NT5C3A: variants seen among roughly 807,000 people sequenced by gnomAD.
The protein encoded by NT5C3A is cytosolic 5'-nucleotidase 3A.
In NT5C3A, 23 loss-of-function variants were observed where a neutral mutation model predicts 40.0. That is an observed-to-expected ratio of 0.58 (90% CI 0.41 to 0.81). The LOEUF is 0.81. NT5C3A is among the 40% of genes least tolerant of loss of function. The probability of loss-of-function intolerance (pLI) is 0.00; values close to 1 mark genes in which losing one functional copy is unlikely to be tolerated. For missense variants in NT5C3A, 328 were observed against 403.0 expected, an observed-to-expected ratio of 0.81 and a Z score of 1.59; for synonymous variants, 130 against 141.4, an observed-to-expected ratio of 0.92 and a Z score of 0.57.
At chr7:33,044,545 C>T (rs946892047) in intron 1 of NT5C3A, among the ~76,000 whole-genome samples, 1 of 152,178 alleles carries the variant, frequency 6.6e-6, no homozygotes, top group African/African-American at 2.4e-5. Flanking sequence ...ACAGAAATCA[C>T]TCCTATCACT....
intron 1 of NT5C3A, among the ~76,000 whole-genome samples, chr7:33,054,880 T>A (rs1787509369): frequency 6.6e-6 from 1 of 152,178 alleles, no homozygotes; most frequent in African/African-American, 2.4e-5. Context: ...TACTGTTAGG[T>A]CTATAGTTTT....
At chr7:33,039,613 A>G (rs73303274) in intron 1 of NT5C3A, among the ~76,000 whole-genome samples, 2,073 of 139,420 alleles carry the variant, frequency 0.015, 19 homozygotes, top group African/African-American at 0.027. Flanking sequence ...CACATGCAAA[A>G]TCAAACTGTA....
At position 33,022,069 on chromosome 7, in the gene NT5C3A, T is replaced by C. The variant is rs759075817; in HGVS notation, c.338A>G (p.Asp113Gly). 17 of 1,533,952 alleles carry C rather than the reference T, an allele frequency of 1.1e-5. No individual in the cohort carries two copies. In the South Asian group the frequency reaches 1.8e-4, roughly 16 times the overall value. The change falls in exon 4 of 9, where the codon GAT becomes GGT. Residue 113 changes from aspartate to glycine, a missense_variant. Asp to Gly is a moderately conservative substitution (Grantham distance 94). Around this residue, in one of 3 missense-constraint regions of NT5C3A, gnomAD observed 280 missense variants for 317.2 expected, o/e 0.88. Transcript: ENST00000610140. ...NIIDNCKLVTDECRKKLLQLK... is the reference protein window; with the variant it reads ...NIIDNCKLVTGECRKKLLQLK... ...AGTGTTTACCTTTTTTCTACATTCA[T>C]CTGTAACCAGCTTACAGTTGTCAAT...
At chr7:33,021,920 T>C (rs1785647007) in intron 4 of NT5C3A, 133 bp downstream of exon 4, 3 of 680,408 alleles carry the variant, frequency 4.4e-6, no homozygotes, top group Admixed American at 2.3e-5. Context: ...ATTTACTGAG[T>C]GCTTACTATG....
chr7:33,015,824 T>G lies in NT5C3A; in HGVS notation c.740A>C (p.Lys247Thr), dbSNP rs1391511210. The G allele has an allele frequency of 1.2e-6, 2 of 1,610,502 alleles. No homozygotes were observed. The highest frequency in any genetic ancestry group is 2.2e-5 in the East Asian group (1 of 44,852). ...FKGELIHVFN[K>T]HDGALRNTEY... ...TGTATTCCTCAAGGCACCATCATGT[T>G]TGTTAAATACATGAATTAGTTCTCC... Residue 247 changes from lysine (K) to threonine (T), a missense_variant, in exon 8 of 9, where the codon AAA becomes ACA. Coordinates refer to ENST00000610140, the MANE Select transcript of NT5C3A (RefSeq NM_001002010.5).
intron 1 of NT5C3A, among the ~76,000 whole-genome samples, chr7:33,031,968 T>A (rs978914947): frequency 2.0e-5 from 3 of 147,812 alleles, no homozygotes; most frequent in Non-Finnish European, 4.5e-5. Flanking sequence ...CTATTAAAAA[T>A]ACAAAAATTA....
intron 3 of NT5C3A, among the ~76,000 whole-genome samples, chr7:33,023,020 G>A (rs911271081): frequency 1.3e-5 from 2 of 151,230 alleles, no homozygotes; most frequent in Non-Finnish European, 1.5e-5. Flanking sequence ...CAGGCTCAAG[G>A]ACCCTCTCAG....
At chr7:33,043,920 A>AG (rs1437214183) in intron 1 of NT5C3A, among the ~76,000 whole-genome samples, 9 of 152,356 alleles carry the variant, frequency 5.9e-5, no homozygotes, top group African/African-American at 2.2e-4. Context: ...TAATTTTAAG[A>AG]GAAAAATAAT....
At chr7:33,055,897 G>A (rs1787549853) in intron 1 of NT5C3A, among the ~76,000 whole-genome samples, 1 of 152,174 alleles carries the variant, frequency 6.6e-6, no homozygotes, top group African/African-American at 2.4e-5. Context: ...GATTGCTTGA[G>A]CCCAGGATTT....
intron 1 of NT5C3A, among the ~76,000 whole-genome samples, chr7:33,045,618 C>T (rs775133524): frequency 3.9e-5 from 6 of 152,048 alleles, no homozygotes; most frequent in African/African-American, 1.2e-4. Context: ...CGCCACCACA[C>T]CTGGCTAATT....
chr7:33,021,699 G>A (rs935426573), intron 4 of NT5C3A: 37 of 394,186 alleles, frequency 9.4e-5, no homozygotes, highest in Non-Finnish European at 1.1e-4. Context: ...ATACTCAAGC[G>A]AAGTACTGAA....
At chr7:33,032,365 T>C (rs1786317237) in intron 1 of NT5C3A, among the ~76,000 whole-genome samples, 1 of 137,478 alleles carries the variant, frequency 7.3e-6, no homozygotes, top group Admixed American at 8.1e-5. Context: ...GAGGTTGCAG[T>C]GAGCCAGGAT....
In NT5C3A at chr7:33,021,288, G is replaced by T. The variant is rs781422780; in HGVS notation, c.424C>A (p.Pro142Thr). 3.1e-6 allele frequency: 5 copies of T among 1,611,542 alleles called. No individual in the cohort carries two copies. The South Asian group carries it at 5.5e-5, about 18-fold the overall frequency. ...TACACTTACCATTCCACCATATAAGGGTACTTCTCTTCTACAGTAAGAACA... is the reference window on the plus strand; with the variant it reads ...TACACTTACCATTCCACCATATAAGTGTACTTCTCTTCTACAGTAAGAACA... Reference protein sequence around the residue: ...DPVLTVEEKYPYMVEWYTKSH... With the variant: ...DPVLTVEEKYTYMVEWYTKSH... The change falls in exon 5 of 9, where the codon CCT becomes ACT. Residue 142 changes from proline to threonine, a missense_variant. By Grantham distance (38) the Pro-to-Thr change is conservative (BLOSUM62 -1). Around this residue, in one of 3 missense-constraint regions of NT5C3A, gnomAD observed 280 missense variants for 317.2 expected, o/e 0.88. Coordinates refer to ENST00000610140, the MANE Select transcript of NT5C3A (RefSeq NM_001002010.5).
chr7:33,043,692 A>G (rs1038873997), intron 1 of NT5C3A, among the ~76,000 whole-genome samples: 3 of 152,140 alleles, frequency 2.0e-5, no homozygotes, highest in African/African-American at 7.2e-5. Flanking sequence ...AGGAGAACAG[A>G]GAAGAGAGGG....
intron 1 of NT5C3A, among the ~76,000 whole-genome samples, chr7:33,048,053 T>G (rs1787224127): frequency 6.6e-6 from 1 of 152,108 alleles, no homozygotes; most frequent in African/African-American, 2.4e-5. Flanking sequence ...TTAAATTCTG[T>G]ATTTAAATAA....
intron 1 of NT5C3A, among the ~76,000 whole-genome samples, chr7:33,050,964 T>C (rs535483478): frequency 6.6e-6 from 1 of 152,236 alleles, no homozygotes; most frequent in East Asian, 1.9e-4. Flanking sequence ...CCTACTGCTG[T>C]TTTTAAGGAG....
At chr7:33,018,616 G>C (rs934910477) in intron 6 of NT5C3A, among the ~76,000 whole-genome samples, 2 of 151,960 alleles carry the variant, frequency 1.3e-5, no homozygotes, top group African/African-American at 2.4e-5. Flanking sequence ...TTTGGGAGGC[G>C]GAGATGCGCA....
At chr7:33,054,559 C>T (rs144160051) in intron 1 of NT5C3A, among the ~76,000 whole-genome samples, 48 of 152,174 alleles carry the variant, frequency 3.2e-4, no homozygotes, top group South Asian at 4.1e-4. Flanking sequence ...GACCAGATTT[C>T]GGGTATTTTG....
At chr7:33,030,954 C>G (rs1024966177) in intron 1 of NT5C3A, among the ~76,000 whole-genome samples, 1 of 151,856 alleles carries the variant, frequency 6.6e-6, no homozygotes, top group Non-Finnish European at 1.5e-5. Context: ...AAAAAATTAG[C>G]CAGGCGAGGT....
Sources: gnomAD v4.1 joint callset for allele counts (sites outside exome capture counted in the v4.1 genomes callset) on GRCh38, gnomAD v4.1.1 for gene constraint, gnomAD v4.1.1 regional missense constraint, MANE v1.5 for transcripts, NCBI Gene and HGNC (gene_info 2026-07-23, HGNC 2026-07-21) for gene names.